DRC11: variants seen among roughly 807,000 people sequenced by gnomAD.
DRC11 encodes IQ and AAA domain-containing protein 1.
At chr2:236,500,485 A>G in the DRC11 span, among the ~76,000 whole-genome samples, 24 of 152,202 alleles carry the variant, frequency 1.6e-4, no homozygotes, top group African/African-American at 5.8e-4. This position sits in a 1 kb window ranked among gnomAD's most constrained non-coding sequence, Gnocchi z 6.3. Flanking sequence ...CCACTGAGTC[A>G]GGAGACTGAA....
At chr2:236,424,547 A>G in the DRC11 span, among the ~76,000 whole-genome samples, 1 of 152,182 alleles carries the variant, frequency 6.6e-6, no homozygotes, top group Non-Finnish European at 1.5e-5. Flanking sequence ...CAAAAATTTA[A>G]TATATATACA....
chr2:236,475,014 T>C, the DRC11 span, among the ~76,000 whole-genome samples: 4 of 152,172 alleles, frequency 2.6e-5, no homozygotes, highest in African/African-American at 9.6e-5. The surrounding 1 kb of genome is among the most constrained non-coding windows in gnomAD (Gnocchi z 4.8). Flanking sequence ...TTTAGAAATA[T>C]ACAATTGATT....
the DRC11 span, among the ~76,000 whole-genome samples, chr2:236,432,090 G>A: frequency 6.6e-6 from 1 of 152,070 alleles, no homozygotes; most frequent in Non-Finnish European, 1.5e-5. Flanking sequence ...TTCAGCATTT[G>A]TAATTGTCTT....
the DRC11 span, among the ~76,000 whole-genome samples, chr2:236,451,646 C>G: frequency 1.0e-3 from 153 of 152,246 alleles, no homozygotes; most frequent in Non-Finnish European, 2.0e-3. Flanking sequence ...AGGTGGGGAA[C>G]CCAGTGGAGC....
the DRC11 span, among the ~76,000 whole-genome samples, chr2:236,369,278 A>G: frequency 1.8e-4 from 28 of 152,260 alleles, no homozygotes; most frequent in African/African-American, 6.0e-4. This position sits in a 1 kb window ranked among gnomAD's most constrained non-coding sequence, Gnocchi z 4.5. Context: ...AATCAGAGTT[A>G]AAATTCAGAC....
the DRC11 span, among the ~76,000 whole-genome samples, chr2:236,383,491 A>C: frequency 3.9e-5 from 6 of 151,912 alleles, no homozygotes; most frequent in Non-Finnish European, 7.4e-5. Flanking sequence ...CTTTGGGTTT[A>C]ATATTCTCCT....
chr2:236,342,639 C>T, the DRC11 span, among the ~76,000 whole-genome samples: 48 of 152,306 alleles, frequency 3.2e-4, no homozygotes, highest in African/African-American at 1.1e-3. The surrounding 1 kb of genome is among the most constrained non-coding windows in gnomAD (Gnocchi z 5.8). Context: ...GCTGGAGTTC[C>T]GTGTAGAGCT....
the DRC11 span, among the ~76,000 whole-genome samples, chr2:236,455,397 G>A: frequency 6.6e-6 from 1 of 152,224 alleles, no homozygotes; most frequent in Non-Finnish European, 1.5e-5. The surrounding 1 kb of genome is among the most constrained non-coding windows in gnomAD (Gnocchi z 5.7). Flanking sequence ...GGCAGGAGCA[G>A]TAGAGAAATG....
chr2:236,470,401 A>G, the DRC11 span, among the ~76,000 whole-genome samples: 1 of 152,156 alleles, frequency 6.6e-6, no homozygotes, highest in South Asian at 2.1e-4. The surrounding 1 kb of genome is among the most constrained non-coding windows in gnomAD (Gnocchi z 5.1). Flanking sequence ...GCCATCGTCA[A>G]TGCAGAGATT....
the DRC11 span, among the ~76,000 whole-genome samples, chr2:236,455,317 C>T: frequency 1.3e-5 from 2 of 152,386 alleles, no homozygotes; most frequent in East Asian, 1.9e-4. The surrounding 1 kb of genome is among the most constrained non-coding windows in gnomAD (Gnocchi z 5.7). Context: ...GAGAAAGCCA[C>T]TGAGCATGTC....
At chr2:236,358,143 A>AGATATATACTATATG in the DRC11 span, among the ~76,000 whole-genome samples, 10 of 87,794 alleles carry the variant, frequency 1.1e-4, no homozygotes, top group Non-Finnish European at 2.1e-4. Context: ...TATAATATAT[A>AGATATATACTATATG]AATAGATATA....
the DRC11 span, among the ~76,000 whole-genome samples, chr2:236,341,369 G>A: frequency 1.1e-4 from 17 of 152,348 alleles, no homozygotes; most frequent in African/African-American, 3.8e-4. Flanking sequence ...CTCCTAGGAG[G>A]AGGAGAAAGG....
the DRC11 span, among the ~76,000 whole-genome samples, chr2:236,403,461 T>C: frequency 1.3e-5 from 2 of 150,294 alleles, no homozygotes; most frequent in African/African-American, 4.9e-5. Flanking sequence ...CCCAGGAGCC[T>C]GGTGTGAAGG....
At chr2:236,308,394 G>A in the DRC11 span, among the ~76,000 whole-genome samples, 3 of 152,260 alleles carry the variant, frequency 2.0e-5, no homozygotes, top group Non-Finnish European at 2.9e-5. This position sits in a 1 kb window ranked among gnomAD's most constrained non-coding sequence, Gnocchi z 6.0. Context: ...CCTTCTGTGT[G>A]TGTGAGCCTC....
At chr2:236,399,338 T>C in the DRC11 span, 9 of 1,180,730 alleles carry the variant, frequency 7.6e-6, no homozygotes. This position sits in a 1 kb window ranked among gnomAD's most constrained non-coding sequence, Gnocchi z 7.0. Context: ...GTGAGTGGCA[T>C]ACAGCAGCCT....
the DRC11 span, among the ~76,000 whole-genome samples, chr2:236,438,094 T>C: frequency 1.4e-5 from 2 of 140,512 alleles, no homozygotes; most frequent in African/African-American, 5.4e-5. Context: ...TTTAAGTCTT[T>C]AATCCATCTT....
the DRC11 span, among the ~76,000 whole-genome samples, chr2:236,314,624 T>C: frequency 2.0e-5 from 3 of 152,168 alleles, no homozygotes; most frequent in South Asian, 2.1e-4. This position sits in a 1 kb window ranked among gnomAD's most constrained non-coding sequence, Gnocchi z 4.5. Flanking sequence ...TTGCTGGATA[T>C]ACAACCAATT....
chr2:236,453,282 G>A, the DRC11 span, among the ~76,000 whole-genome samples: 1 of 152,234 alleles, frequency 6.6e-6, no homozygotes, highest in South Asian at 2.1e-4. This position sits in a 1 kb window ranked among gnomAD's most constrained non-coding sequence, Gnocchi z 4.9. Context: ...AGCAACAAGA[G>A]TGAGTTGAAG....
At chr2:236,323,837 C>G in the DRC11 span, among the ~76,000 whole-genome samples, 1 of 152,222 alleles carries the variant, frequency 6.6e-6, no homozygotes, top group Non-Finnish European at 1.5e-5. This position sits in a 1 kb window ranked among gnomAD's most constrained non-coding sequence, Gnocchi z 6.4. Context: ...CCTTTCACAT[C>G]CTTACACGAT....
Sources: allele counts gnomAD v4.1 joint callset (sites outside exome capture counted in the v4.1 genomes callset), GRCh38; gene constraint gnomAD v4.1.1; non-coding constraint Gnocchi (gnomAD v3.1); transcripts MANE v1.5; gene names NCBI Gene and HGNC (gene_info 2026-07-23, HGNC 2026-07-21).